Variants in DCC observed in about 807,000 individuals in gnomAD.
The protein encoded by DCC is netrin receptor DCC.
Under a neutral mutation model 172.5 loss-of-function variants are expected in DCC, and 58 were observed. The observed-to-expected ratio is 0.34, with a 90% CI of 0.27 to 0.42. The LOEUF (loss-of-function observed/expected upper bound fraction) is 0.42, where lower values mean the gene tolerates loss of function less well. Among genes scored for constraint, DCC ranks in the 10% least tolerant of loss-of-function variants. The pLI is 1.00. For synonymous variants in DCC, 709 were observed against 644.5 expected, an observed-to-expected ratio of 1.10 and a Z score of -1.52; for missense variants, 1,740 against 1,791.0, an observed-to-expected ratio of 0.97 and a Z score of 0.51.
chr18:52,652,940 C>T (rs1329191901), intron 1 of DCC, among the ~76,000 whole-genome samples: 1 of 151,982 alleles, frequency 6.6e-6, no homozygotes, highest in African/African-American at 2.4e-5. Flanking sequence ...CAGAGAATAA[C>T]AAAACAGGAA....
chr18:53,265,375 C>G (rs775978763), intron 12 of DCC, among the ~76,000 whole-genome samples: 20 of 152,080 alleles, frequency 1.3e-4, no homozygotes, highest in Non-Finnish European at 1.3e-4. Flanking sequence ...GAGTTTCTAT[C>G]ATAAAAGTGT....
intron 5 of DCC, among the ~76,000 whole-genome samples, chr18:52,974,951 A>G (rs1382414114): frequency 6.6e-6 from 1 of 152,168 alleles, no homozygotes; most frequent in African/African-American, 2.4e-5. Context: ...GTTAGATTTT[A>G]TTTCCAGAGG....
At chr18:53,050,959 G>T (rs2042325959) in intron 5 of DCC, among the ~76,000 whole-genome samples, 1 of 152,176 alleles carries the variant, frequency 6.6e-6, no homozygotes, top group Non-Finnish European at 1.5e-5. Flanking sequence ...ACCAGGTATA[G>T]TGGCTTATGC....
At chr18:52,754,511 C>A (rs1823532718) in intron 2 of DCC, among the ~76,000 whole-genome samples, 1 of 152,172 alleles carries the variant, frequency 6.6e-6, no homozygotes. Context: ...TGTGAGGATA[C>A]AATGAGACGT....
rs2043390885 is a variant in DCC, at chr18:53,115,093, G to C, written c.1262-42263G>C. On this transcript the variant is annotated intron_variant, in intron 7 of 28. Coordinates refer to ENST00000442544, the MANE Select transcript of DCC (RefSeq NM_005215.4). ...TTAAAAAAATACTTAATATTTATTAGCTAACCAATGATTTGGAGAAAATAG... is the reference window on the plus strand; with the variant it reads ...TTAAAAAAATACTTAATATTTATTACCTAACCAATGATTTGGAGAAAATAG... Among the ~76,000 whole-genome samples the C allele has an allele frequency of 2.6e-5, 4 of 151,386 alleles. No individual in the cohort carries two copies. In the South Asian group the frequency reaches 8.3e-4, roughly 31 times the overall value.
intron 1 of DCC, among the ~76,000 whole-genome samples, chr18:52,511,999 T>G (rs2031458303): frequency 6.6e-6 from 1 of 152,170 alleles, no homozygotes; most frequent in African/African-American, 2.4e-5. Flanking sequence ...TTCCTGAAAC[T>G]GAATAAATAA....
chr18:53,403,578 G>A (rs1254964142), intron 19 of DCC, among the ~76,000 whole-genome samples: 1 of 152,026 alleles, frequency 6.6e-6, no homozygotes, highest in East Asian at 1.9e-4. Context: ...ATCACTTTAG[G>A]CTTTTAATAG....
intron 15 of DCC, among the ~76,000 whole-genome samples, chr18:53,373,888 A>AT (rs34326236): frequency 0.55 from 84,100 of 152,024 alleles, 24,060 homozygotes; most frequent in Non-Finnish European, 0.64. Flanking sequence ...TTCAAGTGTG[A>AT]TATATGTATG....
At chr18:53,190,762 C>G (rs761401711) in intron 9 of DCC, among the ~76,000 whole-genome samples, 1 of 151,964 alleles carries the variant, frequency 6.6e-6, no homozygotes, top group Non-Finnish European at 1.5e-5. Context: ...CTGGCTAACA[C>G]GGTGAAACCC....
At chr18:53,293,659 C>T (rs2057032096) in intron 12 of DCC, among the ~76,000 whole-genome samples, 1 of 151,964 alleles carries the variant, frequency 6.6e-6, no homozygotes, top group Non-Finnish European at 1.5e-5. Flanking sequence ...GTGTCTTTTG[C>T]CTCCCTTTTT....
chr18:52,838,957 A>G (rs1707372048), intron 2 of DCC, among the ~76,000 whole-genome samples: 1 of 152,244 alleles, frequency 6.6e-6, no homozygotes, highest in Admixed American at 6.5e-5. Context: ...AAACAGCTTG[A>G]GTAAAGATGG....
intron 7 of DCC, among the ~76,000 whole-genome samples, chr18:53,086,004 C>CTTATTATTATTATTATTAT (rs1189833400): frequency 8.0e-5 from 2 of 25,106 alleles, no homozygotes. Flanking sequence ...TCTCCTTCTT[C>CTTATTATTATTATTATTAT]TCCTTCTCCT....
chr18:53,385,095 T>C (rs930812702), intron 15 of DCC, among the ~76,000 whole-genome samples: 2 of 151,832 alleles, frequency 1.3e-5, no homozygotes, highest in African/African-American at 4.8e-5. Flanking sequence ...AATACATTTT[T>C]ATTGCTTACA....
intron 24 of DCC, among the ~76,000 whole-genome samples, chr18:53,462,536 T>C (rs2045572032): frequency 6.6e-6 from 1 of 151,980 alleles, no homozygotes; most frequent in African/African-American, 2.4e-5. Context: ...TTCTACATTA[T>C]GGTGAGTTGT....
At chr18:52,377,698 C>CTTTT (rs34881042) in intron 1 of DCC, among the ~76,000 whole-genome samples, 2 of 136,040 alleles carry the variant, frequency 1.5e-5, no homozygotes, top group Admixed American at 7.4e-5. Context: ...TATTAAGCCA[C>CTTTT]TTTTTTTTTT....
At chr18:53,156,145 T>G (rs2144393449) in intron 7 of DCC, among the ~76,000 whole-genome samples, 1 of 152,284 alleles carries the variant, frequency 6.6e-6, no homozygotes, top group East Asian at 1.9e-4. Flanking sequence ...GGGCTGTATC[T>G]TTTCTACTAT....
intron 1 of DCC, among the ~76,000 whole-genome samples, chr18:52,707,032 C>T (rs1052041865): frequency 6.6e-6 from 1 of 152,058 alleles, no homozygotes; most frequent in African/African-American, 2.4e-5. Flanking sequence ...GTCCCATGAA[C>T]CACATGTGCA....
intron 1 of DCC, among the ~76,000 whole-genome samples, chr18:52,629,992 G>T (rs2144877792): frequency 6.8e-6 from 1 of 146,664 alleles, no homozygotes; most frequent in East Asian, 2.0e-4. Context: ...CAGACATGGT[G>T]GCAGGCACCT....
At chr18:53,307,836 C>G (rs1247934037) in intron 13 of DCC, among the ~76,000 whole-genome samples, 1 of 144,206 alleles carries the variant, frequency 6.9e-6, no homozygotes, top group Non-Finnish European at 1.5e-5. Flanking sequence ...TGTAAACTCT[C>G]ATATACTGCT....
Sources: gnomAD v4.1 joint callset for allele counts (sites outside exome capture counted in the v4.1 genomes callset) on GRCh38, gnomAD v4.1.1 for gene constraint, MANE v1.5 for transcripts, NCBI Gene and HGNC (gene_info 2026-07-23, HGNC 2026-07-21) for gene names.